The following ADGRV1 variants were observed in gnomAD, a reference collection of about 807,000 sequenced individuals.
ADGRV1 encodes adhesion G protein-coupled receptor V1.
ADGRV1 carries 359 observed loss-of-function variants against 596.2 expected under a neutral mutation model. The ratio of observed to expected loss-of-function variants is 0.60; its 90% CI spans 0.55 to 0.66. The LOEUF (loss-of-function observed/expected upper bound fraction) is 0.66, where lower values mean the gene tolerates loss of function less well. Among genes scored for constraint, ADGRV1 ranks in the 30% least tolerant of loss-of-function variants. ADGRV1 has a pLI of 0.00. For synonymous variants in ADGRV1, 2,681 were observed against 2,679.2 expected (o/e 1.00, Z -0.02); for missense variants, 7,274 against 7,575.6 (o/e 0.96, Z 1.48).
chr5:90,611,890 G>A (rs1326248440), intron 1 of ADGRV1, among the ~76,000 whole-genome samples: 1 of 151,938 alleles, frequency 6.6e-6, no homozygotes, highest in African/African-American at 2.4e-5. Flanking sequence ...TTCAGCATTT[G>A]TGTAATTATG....
intron 23 of ADGRV1, 43 bp from the exon 24 acceptor site, chr5:90,675,198 GCA>G (rs760753295): frequency 2.0e-6 from 3 of 1,519,974 alleles, no homozygotes; most frequent in Non-Finnish European, 1.8e-6. Context: ...AGAAATTCTT[GCA>G]CAGTTCATTG....
At chr5:90,919,154 C>A (rs575284415) in intron 83 of ADGRV1, among the ~76,000 whole-genome samples, 2 of 152,206 alleles carry the variant, frequency 1.3e-5, no homozygotes, top group Non-Finnish European at 2.9e-5. Flanking sequence ...TAGCTTCCTT[C>A]CTGTCACCCA....
intron 83 of ADGRV1, among the ~76,000 whole-genome samples, chr5:90,951,310 A>G (rs559417267): frequency 2.6e-5 from 4 of 152,342 alleles, no homozygotes; most frequent in Non-Finnish European, 5.9e-5. Flanking sequence ...TTTAAGTAAT[A>G]CATGTTTTGA....
At chr5:90,635,994 G>A (rs1259507180) in intron 10 of ADGRV1, among the ~76,000 whole-genome samples, 1 of 151,856 alleles carries the variant, frequency 6.6e-6, no homozygotes, top group Non-Finnish European at 1.5e-5. Flanking sequence ...TTGGGTTGGA[G>A]TGAGGTGGCC....
chr5:91,143,872 C>T (rs1298135164), intron 87 of ADGRV1, among the ~76,000 whole-genome samples: 2 of 152,210 alleles, frequency 1.3e-5, no homozygotes, highest in Non-Finnish European at 2.9e-5. Context: ...CTCAGCCCCC[C>T]TCAGCCTCCC....
intron 38 of ADGRV1, 60 bp downstream of exon 38, chr5:90,706,454 A>C: frequency 7.2e-7 from 1 of 1,395,182 alleles, no homozygotes; most frequent in Middle Eastern, 2.0e-4. Context: ...TTTTTTTATT[A>C]TACTTTAAGT....
chr5:90,880,778 C>G (rs1769686512), intron 83 of ADGRV1, among the ~76,000 whole-genome samples: 1 of 152,172 alleles, frequency 6.6e-6, no homozygotes, highest in Admixed American at 6.5e-5. Flanking sequence ...TCCAATATGT[C>G]AGCTTTCTGG....
At chr5:90,607,803 A>G (rs1762285505) in intron 1 of ADGRV1, among the ~76,000 whole-genome samples, 1 of 152,186 alleles carries the variant, frequency 6.6e-6, no homozygotes, top group African/African-American at 2.4e-5. Flanking sequence ...ATGAAGATCC[A>G]TATATTCAGA....
intron 89 of ADGRV1, among the ~76,000 whole-genome samples, chr5:91,161,967 C>A (rs1796986528): frequency 6.6e-6 from 1 of 152,142 alleles, no homozygotes; most frequent in Non-Finnish European, 1.5e-5. Context: ...CTCCAAAAGG[C>A]AATGGTTGGG....
At position 91,072,369 on chromosome 5, in the gene ADGRV1, T is replaced by C; in HGVS notation, c.18153-78T>C. ...CTGGATACAAAGAGCTAGTATAAAG[T>C]AGTGATGTGATACATTCTGCATTTA... On this transcript the variant is annotated intron_variant, in intron 85 of 89. Coordinates refer to ENST00000405460, the MANE Select transcript of ADGRV1 (RefSeq NM_032119.4). 2.4e-6 allele frequency: 3 copies of C among 1,246,956 alleles called. No individual in the cohort carries two copies. In the South Asian group the frequency reaches 3.6e-5, roughly 15 times the overall value. 77.2% of individuals were successfully genotyped at this position (1,246,956 alleles called of 1,614,324 possible). A position where few individuals can be genotyped will look rare whatever the true frequency, so the allele number is the denominator to read the frequency against.
intron 83 of ADGRV1, among the ~76,000 whole-genome samples, chr5:90,889,632 T>A (rs1303108163): frequency 6.6e-6 from 1 of 152,162 alleles, no homozygotes; most frequent in Non-Finnish European, 1.5e-5. Flanking sequence ...TTTGGTCAGA[T>A]AAAAATAGCC....
intron 87 of ADGRV1, among the ~76,000 whole-genome samples, chr5:91,109,775 A>G (rs1439030320): frequency 1.3e-5 from 2 of 152,224 alleles, no homozygotes; most frequent in Non-Finnish European, 2.9e-5. Flanking sequence ...ACAGCATCCA[A>G]TAATGGAAAG....
At chr5:90,952,270 C>T (rs1777121664) in intron 83 of ADGRV1, among the ~76,000 whole-genome samples, 1 of 152,140 alleles carries the variant, frequency 6.6e-6, no homozygotes, top group South Asian at 2.1e-4. Context: ...TGCCACTTCT[C>T]CAGAGAAAAT....
At chr5:90,984,261 A>G (rs1475004729) in intron 84 of ADGRV1, among the ~76,000 whole-genome samples, 1 of 152,188 alleles carries the variant, frequency 6.6e-6, no homozygotes, top group Non-Finnish European at 1.5e-5. Flanking sequence ...CACTCTTTCT[A>G]CCATACAAAA....
intron 83 of ADGRV1, among the ~76,000 whole-genome samples, chr5:90,910,746 G>A (rs1166374914): frequency 1.3e-5 from 2 of 151,940 alleles, no homozygotes; most frequent in Non-Finnish European, 2.9e-5. Flanking sequence ...GAGAATACAG[G>A]TACTCCCAGT....
chr5:90,760,475 A>G (rs931899532), intron 58 of ADGRV1, among the ~76,000 whole-genome samples: 1 of 152,134 alleles, frequency 6.6e-6, no homozygotes, highest in East Asian at 1.9e-4. Flanking sequence ...GTAGATCAAG[A>G]TGTACTTTTC....
chr5:90,824,937 C>CT (rs543082259), intron 76 of ADGRV1, among the ~76,000 whole-genome samples: 21 of 149,506 alleles, frequency 1.4e-4, no homozygotes, highest in South Asian at 4.3e-4. Flanking sequence ...CCCCATATTT[C>CT]TTTTTTTTTT....
chr5:90,750,136 T>C (rs1755079745), intron 52 of ADGRV1, among the ~76,000 whole-genome samples: 1 of 152,112 alleles, frequency 6.6e-6, no homozygotes, highest in Non-Finnish European at 1.5e-5. Context: ...CCTAGTGGGA[T>C]TGCCAGAAGT....
intron 85 of ADGRV1, among the ~76,000 whole-genome samples, chr5:90,989,533 C>T (rs1780791964): frequency 6.6e-6 from 1 of 152,064 alleles, no homozygotes; most frequent in Non-Finnish European, 1.5e-5. Context: ...AGTTCAGCTT[C>T]TGTCTTCTTT....
Sources: allele counts gnomAD v4.1 joint callset (sites outside exome capture counted in the v4.1 genomes callset), GRCh38; gene constraint gnomAD v4.1.1; transcripts MANE v1.5; gene names NCBI Gene and HGNC (gene_info 2026-07-23, HGNC 2026-07-21).